Variants in ADGRL2 observed in about 807,000 individuals in gnomAD.
ADGRL2 encodes the protein adhesion G protein-coupled receptor L2, also known as calcium-independent alpha-latrotoxin receptor 2.
A neutral mutation model predicts 157.4 loss-of-function variants in ADGRL2; 44 were observed. The ratio of observed to expected loss-of-function variants is 0.28; its 90% CI spans 0.22 to 0.36. ADGRL2 has a LOEUF of 0.36. Ranked by LOEUF, ADGRL2 falls within the 10% of genes least tolerant of loss-of-function variation. The probability of loss-of-function intolerance (pLI) is 1.00; values close to 1 mark genes in which losing one functional copy is unlikely to be tolerated. For missense variants in ADGRL2, 1,510 were observed against 1,768.9 expected (o/e 0.85, Z 2.63); for synonymous variants, 585 against 624.7 (o/e 0.94, Z 0.95).
intron 2 of ADGRL2, among the ~76,000 whole-genome samples, chr1:81,496,896 A>AT (rs545343917): frequency 2.3e-3 from 355 of 151,818 alleles, no homozygotes; most frequent in African/African-American, 7.9e-3. Context: ...AAAACAATAT[A>AT]TTTTTTTTCC....
intron 2 of ADGRL2, among the ~76,000 whole-genome samples, chr1:81,894,756 GC>G (rs2094345465): frequency 6.6e-6 from 1 of 151,696 alleles, no homozygotes; most frequent in African/African-American, 2.4e-5. Context: ...GTTGGAAAAT[GC>G]CTTGTTACTC....
Position 81,970,362 on chromosome 1 carries a change from G to A in ADGRL2, c.2782G>A (p.Ala928Thr), listed in dbSNP as rs1376426873. 6.3e-7 allele frequency: 1 copy of A among 1,597,314 alleles called. No homozygotes were observed. Among genetic ancestry groups the A allele is most frequent in the Non-Finnish European group, 8.5e-7 (1 of 1,175,210 alleles). Residue 928 changes from alanine (A) to threonine (T), a missense_variant, in exon 16 of 24, where the codon GCT becomes ACT. Ala to Thr is a moderately conservative substitution (Grantham distance 58). Coordinates refer to ENST00000686636, the MANE Select transcript of ADGRL2 (RefSeq NM_001366006.2). ...ACTTCTACACTTTTTCTTTTTGGCA[G>A]CTTTTGCTTGGATGTGCCTAGAAGG... is the stretch of plus-strand genomic sequence containing the variant. The part of the protein sequence containing the change: ...AGLLHFFFLA[A>T]FAWMCLEGVQ...
At chr1:81,912,443 A>G (rs1252906289) in intron 3 of ADGRL2, among the ~76,000 whole-genome samples, 1 of 152,204 alleles carries the variant, frequency 6.6e-6, no homozygotes, top group African/African-American at 2.4e-5. Flanking sequence ...CTTGAAGTTT[A>G]TTTCAGAACT....
chr1:81,521,987 A>C (rs12069233), intron 2 of ADGRL2, among the ~76,000 whole-genome samples: 57,874 of 148,720 alleles, frequency 0.39, 15,538 homozygotes, highest in African/African-American at 0.76. Context: ...TTTTTTGAGA[A>C]AGAGACTTGT....
In ADGRL2 at chr1:81,666,835, A is replaced by G. The variant is rs547943809; in HGVS notation, c.-143+85855A>G. Among the ~76,000 whole-genome samples, 59 of 152,354 alleles carry G rather than the reference A, an allele frequency of 3.9e-4. 1 individual carries two copies. The highest frequency in any genetic ancestry group is 2.1e-3 in the Admixed American group (32 of 15,302). On this transcript the variant is annotated intron_variant, in intron 3 of 24. Transcript: ENST00000370721. ...TGGCCTTATGGTCAACCATCTTACA[A>G]TAACTTATTAAACAGAAGCTAATGC...
chr1:81,932,996 C>T (rs567618716), intron 3 of ADGRL2, among the ~76,000 whole-genome samples: 9 of 152,172 alleles, frequency 5.9e-5, no homozygotes, highest in Non-Finnish European at 1.3e-4. Context: ...GCCACCGTGC[C>T]TGGCCAATAA....
At position 81,533,149 on chromosome 1, in the gene ADGRL2, G is replaced by A. The variant is rs551481591; in HGVS notation, c.-247-47727G>A. Among the ~76,000 whole-genome samples the A allele has an allele frequency of 1.6e-3, 245 of 152,112 alleles. 1 individual carries two copies. Among genetic ancestry groups the A allele is most frequent in the African/African-American group, 5.5e-3 (228 of 41,502 alleles). On this transcript the variant is annotated intron_variant, in intron 2 of 24. Coordinates refer to the ADGRL2 transcript ENST00000370721. ...ATCCCAGAACTTTGGGAGGCCGAGG[G>A]GGGTGGATCACCTGAGGTCAGGAGT...
intron 1 of ADGRL2, among the ~76,000 whole-genome samples, chr1:81,322,109 T>TACACACATATATATATATATATATATAC (rs1553153255): frequency 1.5e-5 from 2 of 129,850 alleles, no homozygotes; most frequent in African/African-American, 5.7e-5. Flanking sequence ...TATATATATA[T>TACACACATATATATATATATATATATAC]ACACATATAT....
intron 1 of ADGRL2, among the ~76,000 whole-genome samples, chr1:81,390,939 T>G (rs1444582293): frequency 6.6e-6 from 1 of 152,296 alleles, no homozygotes; most frequent in Admixed American, 6.5e-5. Context: ...GAACTGCTTT[T>G]GCAGCTGCTG....
At chr1:81,631,717 T>C (rs914550595) in intron 3 of ADGRL2, among the ~76,000 whole-genome samples, 2 of 152,236 alleles carry the variant, frequency 1.3e-5, no homozygotes, top group African/African-American at 4.8e-5. Flanking sequence ...ATACCCCAGG[T>C]CTGATAATTA....
chr1:81,652,480 T>C (rs567414485), intron 3 of ADGRL2, among the ~76,000 whole-genome samples: 2 of 152,296 alleles, frequency 1.3e-5, no homozygotes, highest in East Asian at 3.9e-4. Context: ...AGAAGAATAC[T>C]GAATAGAAAT....
chr1:81,720,184 CTT>C (rs112579932), intron 1 of ADGRL2, among the ~76,000 whole-genome samples: 145 of 122,024 alleles, frequency 1.2e-3, no homozygotes, highest in African/African-American at 3.4e-3. Flanking sequence ...TTTTTCTTTT[CTT>C]TTTTTTTTTT....
chr1:81,979,801 A>G (rs566442898), intron 17 of ADGRL2, 68 bp from the exon 18 acceptor site: 2 of 897,542 alleles, frequency 2.2e-6, no homozygotes. Flanking sequence ...GGATCGATAC[A>G]TTTGCAAGAA....
intron 1 of ADGRL2, among the ~76,000 whole-genome samples, chr1:81,313,251 T>C (rs1659874161): frequency 1.3e-5 from 2 of 152,232 alleles, no homozygotes; most frequent in South Asian, 4.1e-4. Context: ...CCTAACCTGT[T>C]ACTAACAAAG....
chr1:81,721,791 GGGTGGGAGCA>G (rs2084332287), intron 1 of ADGRL2: 1 of 1,326,026 alleles, frequency 7.5e-7, no homozygotes, highest in African/African-American at 1.4e-5. Flanking sequence ...CTGAGGGAGT[GGGTGGGAGCA>G]GGCGGTAAAG....
At chr1:81,618,639 A>G (rs2081717397) in intron 3 of ADGRL2, among the ~76,000 whole-genome samples, 1 of 152,234 alleles carries the variant, frequency 6.6e-6, no homozygotes, top group Non-Finnish European at 1.5e-5. Flanking sequence ...ATATCCAGAC[A>G]TAAACACCAT....
chr1:81,747,023 C>T (rs113545327), intron 1 of ADGRL2, among the ~76,000 whole-genome samples: 14,548 of 141,648 alleles, frequency 0.1, 879 homozygotes, highest in African/African-American at 0.16. Flanking sequence ...TATGTATACA[C>T]GTGTATATAC....
At chr1:81,518,423 AT>A (rs1181141051) in intron 2 of ADGRL2, among the ~76,000 whole-genome samples, 3 of 152,176 alleles carry the variant, frequency 2.0e-5, no homozygotes, top group Admixed American at 2.0e-4. Flanking sequence ...CAAGCTTCAC[AT>A]TTTGTGAAGC....
intron 3 of ADGRL2, among the ~76,000 whole-genome samples, chr1:81,602,503 A>C (rs147080981): frequency 0.024 from 3,628 of 152,216 alleles, 142 homozygotes; most frequent in African/African-American, 0.083. Context: ...TGAGGCAGAG[A>C]ATTGCTTGAA....
Sources: gnomAD v4.1 joint callset for allele counts (sites outside exome capture counted in the v4.1 genomes callset) on GRCh38, gnomAD v4.1.1 for gene constraint, MANE v1.5 for transcripts, NCBI Gene and HGNC (gene_info 2026-07-23, HGNC 2026-07-21) for gene names.